STAG1: variants seen among roughly 807,000 people sequenced by gnomAD.
The protein encoded by STAG1 is cohesin subunit SA-1.
STAG1 carries 26 observed loss-of-function variants against 170.9 expected under a neutral mutation model. That is an observed-to-expected ratio of 0.15 (90% CI 0.11 to 0.21). The LOEUF (loss-of-function observed/expected upper bound fraction) is 0.21. Among genes scored for constraint, STAG1 ranks in the 10% least tolerant of loss-of-function variants. STAG1 has a pLI of 1.00. For synonymous variants in STAG1, 514 were observed against 497.7 expected, an observed-to-expected ratio of 1.03 and a Z score of -0.44; for missense variants, 964 against 1,509.5, an observed-to-expected ratio of 0.64 and a Z score of 5.99.
chr3:136,495,348 T>A (rs1026599158), intron 9 of STAG1, among the ~76,000 whole-genome samples: 11 of 152,036 alleles, frequency 7.2e-5, no homozygotes, highest in Admixed American at 2.0e-4. Context: ...ATGATTAAAC[T>A]TCGAAAATAA....
chr3:136,606,648 A>C (rs964928039), intron 3 of STAG1, among the ~76,000 whole-genome samples: 1 of 151,982 alleles, frequency 6.6e-6, no homozygotes, highest in African/African-American at 2.4e-5. Flanking sequence ...AGAAATATTG[A>C]TCAGGCATTT....
chr3:136,479,215 T>G (rs2089855382), intron 9 of STAG1, among the ~76,000 whole-genome samples: 1 of 141,562 alleles, frequency 7.1e-6, no homozygotes, highest in South Asian at 2.5e-4. Flanking sequence ...CTCCCAATGC[T>G]ATCCCTCCCC....
intron 4 of STAG1, among the ~76,000 whole-genome samples, chr3:136,581,821 G>A (rs986759138): frequency 6.6e-6 from 1 of 151,946 alleles, no homozygotes; most frequent in African/African-American, 2.4e-5. Context: ...TATATTCAAG[G>A]AATATCAACA....
chr3:136,362,446 T>C (rs1188162645), intron 26 of STAG1, among the ~76,000 whole-genome samples: 2 of 151,744 alleles, frequency 1.3e-5, no homozygotes, highest in African/African-American at 4.8e-5. Context: ...TGCTGATTGA[T>C]GTATACATCT....
intron 1 of STAG1, among the ~76,000 whole-genome samples, chr3:136,710,361 G>A (rs1559964813): frequency 6.6e-6 from 1 of 152,060 alleles, no homozygotes; most frequent in Non-Finnish European, 1.5e-5. Flanking sequence ...TCTTCTCCAT[G>A]CTATTTCATT....
At chr3:136,382,441 C>T (rs1301453586) in intron 22 of STAG1, among the ~76,000 whole-genome samples, 9 of 143,384 alleles carry the variant, frequency 6.3e-5, no homozygotes, top group East Asian at 2.0e-4. Context: ...TTGCTTTTAT[C>T]GCCCAGGCTG....
At chr3:136,397,641 C>T (rs1326365814) in intron 22 of STAG1, among the ~76,000 whole-genome samples, 2 of 152,044 alleles carry the variant, frequency 1.3e-5, no homozygotes, top group Non-Finnish European at 2.9e-5. Context: ...TAGTTCACCC[C>T]TGTGGTAAGA....
chr3:136,356,057 G>GTTTT (rs77325026), intron 28 of STAG1, among the ~76,000 whole-genome samples: 1 of 134,856 alleles, frequency 7.4e-6, no homozygotes, highest in South Asian at 2.4e-4. Context: ...TTGTCTGCCT[G>GTTTT]TTTTTTTTTT....
chr3:136,400,566 C>T (rs1290396235), intron 21 of STAG1, among the ~76,000 whole-genome samples: 2 of 148,708 alleles, frequency 1.3e-5, no homozygotes, highest in South Asian at 2.2e-4. Flanking sequence ...GACGAAGTCT[C>T]GCTTTGTTGC....
At chr3:136,620,114 G>A (rs1473938003) in intron 3 of STAG1, among the ~76,000 whole-genome samples, 1 of 151,644 alleles carries the variant, frequency 6.6e-6, no homozygotes, top group Non-Finnish European at 1.5e-5. Context: ...TAGAAGTAAA[G>A]GAAACAATAC....
chr3:136,737,795 C>T (rs1934424766), intron 1 of STAG1, among the ~76,000 whole-genome samples: 1 of 152,252 alleles, frequency 6.6e-6, no homozygotes, highest in Non-Finnish European at 1.5e-5. Flanking sequence ...TAAGGCCAGG[C>T]GCGGTGGCTC....
chr3:136,501,184 TA>T, intron 8 of STAG1, among the ~76,000 whole-genome samples: 1 of 152,332 alleles, frequency 6.6e-6, no homozygotes, highest in East Asian at 1.9e-4. Flanking sequence ...ATTTATCATA[TA>T]AAAACTAATT....
chr3:136,418,402 G>GAAAAAAAAAAAAAAAAA (rs1559789147), intron 20 of STAG1, among the ~76,000 whole-genome samples: 1 of 89,392 alleles, frequency 1.1e-5, no homozygotes, highest in African/African-American at 5.1e-5. Context: ...AAAAAAAAAG[G>GAAAAAAAAAAAAAAAAA]TTTTTTTCAT....
chr3:136,338,957 G>C (rs1332515504), intron 32 of STAG1, among the ~76,000 whole-genome samples: 1 of 152,200 alleles, frequency 6.6e-6, no homozygotes, highest in Non-Finnish European at 1.5e-5. Context: ...GTTACGGGCT[G>C]AATTATGTCC....
chr3:136,447,887 G>T (rs903579715), intron 14 of STAG1, among the ~76,000 whole-genome samples: 2 of 151,976 alleles, frequency 1.3e-5, no homozygotes, highest in African/African-American at 2.4e-5. Flanking sequence ...AAAGTGCTGG[G>T]TTTACAGGCA....
At chr3:136,716,035 T>C (rs1160013497) in intron 1 of STAG1, among the ~76,000 whole-genome samples, 1 of 152,100 alleles carries the variant, frequency 6.6e-6, no homozygotes, top group African/African-American at 2.4e-5. Context: ...GAGGTGGAGA[T>C]TGCAATGAGC....
intron 1 of STAG1, among the ~76,000 whole-genome samples, chr3:136,683,264 C>A (rs1942400694): frequency 1.0e-5 from 1 of 97,790 alleles, no homozygotes; most frequent in Non-Finnish European, 2.0e-5. Flanking sequence ...TGTATTTCAA[C>A]ACAATTTTTT....
chr3:136,470,252 T>C (rs1449079911), intron 12 of STAG1, among the ~76,000 whole-genome samples: 1 of 152,148 alleles, frequency 6.6e-6, no homozygotes, highest in Non-Finnish European at 1.5e-5. Flanking sequence ...AAAAGGCTAA[T>C]ATCCAGAATT....
chr3:136,703,645 G>T (rs760515983), intron 1 of STAG1, among the ~76,000 whole-genome samples: 4 of 152,110 alleles, frequency 2.6e-5, no homozygotes, highest in Admixed American at 6.5e-5. Flanking sequence ...CACACAAATA[G>T]CAAAGTGGCA....
Sources: allele counts gnomAD v4.1 joint callset (sites outside exome capture counted in the v4.1 genomes callset), GRCh38; gene constraint gnomAD v4.1.1; transcripts MANE v1.5; gene names NCBI Gene and HGNC (gene_info 2026-07-23, HGNC 2026-07-21).